The following PKNOX1 variants were observed in gnomAD, a reference collection of about 807,000 sequenced individuals.
The protein encoded by PKNOX1 is homeobox protein PKNOX1.
PKNOX1 carries 15 observed loss-of-function variants against 51.9 expected under a neutral mutation model. The ratio of observed to expected loss-of-function variants is 0.29; its 90% CI spans 0.19 to 0.45. The LOEUF (loss-of-function observed/expected upper bound fraction) is 0.45, where lower values mean the gene tolerates loss of function less well. Ranked by LOEUF, PKNOX1 falls within the 20% of genes least tolerant of loss-of-function variation. The pLI is 1.00. For synonymous variants in PKNOX1, 219 were observed against 211.1 expected (o/e 1.04, Z -0.32); for missense variants, 462 against 547.5 (o/e 0.84, Z 1.56).
intron 3 of PKNOX1, among the ~76,000 whole-genome samples, chr21:43,009,432 C>T (rs1405290879): frequency 1.3e-5 from 2 of 149,822 alleles, no homozygotes; most frequent in Admixed American, 6.6e-5. Context: ...GCAACAAGAG[C>T]GAAACTCCAT....
intron 1 of PKNOX1, among the ~76,000 whole-genome samples, chr21:42,987,404 A>AAAAAATATATATATATATATATAT: frequency 7.2e-5 from 3 of 41,402 alleles, no homozygotes; most frequent in Non-Finnish European, 9.6e-5. Context: ...AAAAAAAAAA[A>AAAAAATATATATATATATATATAT]ATATATATAT....
At chr21:42,987,577 A>T (rs1040244452) in intron 1 of PKNOX1, among the ~76,000 whole-genome samples, 1 of 146,898 alleles carries the variant, frequency 6.8e-6, no homozygotes, top group South Asian at 2.2e-4. Flanking sequence ...GATCCCACTG[A>T]CCTTTTTTTT....
chr21:43,014,712 A>T (rs1180938565), intron 5 of PKNOX1, among the ~76,000 whole-genome samples: 1 of 152,174 alleles, frequency 6.6e-6, no homozygotes, highest in South Asian at 2.1e-4. Flanking sequence ...TGGCCTCAAA[A>T]GTTTTATAGT....
intron 8 of PKNOX1, among the ~76,000 whole-genome samples, chr21:43,024,200 C>G (rs1201967784): frequency 6.6e-6 from 1 of 152,180 alleles, no homozygotes; most frequent in Non-Finnish European, 1.5e-5. Flanking sequence ...CAGCTTATCC[C>G]AGTGTCAGTT....
chr21:43,018,976 T>C (rs1979633474), intron 7 of PKNOX1, among the ~76,000 whole-genome samples: 1 of 151,520 alleles, frequency 6.6e-6, no homozygotes, highest in Non-Finnish European at 1.5e-5. Flanking sequence ...TCCCAGCTAC[T>C]CGGGAGGCTG....
At position 43,013,257 on chromosome 21, in the gene PKNOX1, C is replaced by T; in HGVS notation, c.522+19C>T. Reference sequence around the variant, plus strand: ...GTCCCAGGTACTTACATTTGGGGGTCTCGCTTTCCCTCTCTGCCACTGTGA... The same window carrying T: ...GTCCCAGGTACTTACATTTGGGGGTTTCGCTTTCCCTCTCTGCCACTGTGA... On this transcript the variant is annotated intron_variant, in intron 5 of 10. Transcript: ENST00000291547. 1 of 1,537,578 alleles carries T rather than the reference C, an allele frequency of 6.5e-7. No homozygotes were observed.
In PKNOX1 at chr21:43,021,375, G is replaced by A. The variant is rs376883451; in HGVS notation, c.793G>A (p.Val265Ile). The change falls in exon 8 of 11, where the codon GTC (valine) becomes ATC (isoleucine). Residue 265 changes from valine to isoleucine, a missense_variant. By Grantham distance (29) the Val-to-Ile change is conservative. This residue lies in a region of PKNOX1 where 75 missense variants were observed against 129.8 expected (regional missense o/e 0.58). Transcript: ENST00000291547. The surrounding 1 kb of genome is among the most constrained non-coding windows in gnomAD (Gnocchi z 4.6). ...DDGSSKNKRGVLPKHATNVMR... is the reference protein window; with the variant it reads ...DDGSSKNKRGILPKHATNVMR... ...TGGTTCATCTAAGAACAAGAGGGGC[G>A]TCCTGCCAAAGCATGCCACGAACGT... The A allele has an allele frequency of 8.7e-6, 14 of 1,613,344 alleles. No individual in the cohort carries two copies. Among genetic ancestry groups the A allele is most frequent in the East Asian group, 2.2e-5 (1 of 44,874 alleles).
intron 2 of PKNOX1, among the ~76,000 whole-genome samples, chr21:43,006,251 G>A (rs1978982721): frequency 6.6e-6 from 1 of 152,104 alleles, no homozygotes; most frequent in Non-Finnish European, 1.5e-5. Flanking sequence ...AGCCTCCTGA[G>A]TACCTGGGAT....
At chr21:42,983,760 A>AT (rs1456592337) in intron 1 of PKNOX1, among the ~76,000 whole-genome samples, 2 of 151,996 alleles carry the variant, frequency 1.3e-5, no homozygotes, top group African/African-American at 4.8e-5. Context: ...AATTTAATTT[A>AT]TTTTTTATTT....
intron 9 of PKNOX1, among the ~76,000 whole-genome samples, chr21:43,025,763 T>C (rs1490782061): frequency 6.6e-6 from 1 of 152,248 alleles, no homozygotes; most frequent in South Asian, 2.1e-4. Flanking sequence ...CTTCCAGTTG[T>C]AAACATTATT....
At chr21:42,980,635 G>T (rs1273484876) in intron 1 of PKNOX1, among the ~76,000 whole-genome samples, 1 of 152,178 alleles carries the variant, frequency 6.6e-6, no homozygotes, top group African/African-American at 2.4e-5. Context: ...AGATGAAGAA[G>T]AGAACAAATT....
chr21:43,017,950 C>T, intron 6 of PKNOX1, 183 bp from the exon 7 acceptor site: 1 of 544,116 alleles, frequency 1.8e-6, no homozygotes, highest in Non-Finnish European at 3.2e-6. Flanking sequence ...TGCCTCACAT[C>T]TGTAATTCCA....
chr21:42,975,816 A>T (rs1317213178), intron 1 of PKNOX1, among the ~76,000 whole-genome samples: 1 of 152,246 alleles, frequency 6.6e-6, no homozygotes, highest in African/African-American at 2.4e-5. Flanking sequence ...AAAACAGTAG[A>T]TGATTTTTCC....
chr21:42,999,670 G>A (rs562951052), intron 1 of PKNOX1, among the ~76,000 whole-genome samples: 3 of 152,050 alleles, frequency 2.0e-5, no homozygotes, highest in Admixed American at 1.3e-4. Flanking sequence ...TAGTAGAGAC[G>A]GGGTTTCTCC....
At chr21:42,974,842 G>A (rs2058983625) in intron 1 of PKNOX1, among the ~76,000 whole-genome samples, 178 bp downstream of exon 1, 1 of 148,520 alleles carries the variant, frequency 6.7e-6, no homozygotes, top group Non-Finnish European at 1.5e-5. Context: ...GGGGCGGGGA[G>A]GGGGCGCGGG....
chr21:43,007,674 G>T (rs1198975435), intron 3 of PKNOX1, 56 bp downstream of exon 3: 1 of 1,603,720 alleles, frequency 6.2e-7, no homozygotes, highest in African/African-American at 1.3e-5. Context: ...GTGTCCACAA[G>T]TTTGTTAAAA....
At chr21:42,996,471 C>T (rs1265246154) in intron 1 of PKNOX1, among the ~76,000 whole-genome samples, 1 of 152,170 alleles carries the variant, frequency 6.6e-6, no homozygotes, top group Non-Finnish European at 1.5e-5. Context: ...TTGGCGCCAG[C>T]TTTCCAGATG....
intron 1 of PKNOX1, among the ~76,000 whole-genome samples, chr21:42,977,662 C>G (rs145077761): frequency 2.3e-4 from 35 of 150,748 alleles, no homozygotes; most frequent in African/African-American, 7.8e-4. Flanking sequence ...ATTCTCCTGC[C>G]TCAGCCTCCG....
rs1346807247 is a variant in PKNOX1, at chr21:43,031,681, A to C, written c.*1580A>C. 2.6e-5 allele frequency: 4 copies of C among 154,842 alleles called. No individual in the cohort carries two copies. The highest frequency in any genetic ancestry group is 4.3e-5 in the Non-Finnish European group (3 of 69,620). 9.6% of individuals were successfully genotyped at this position (154,842 alleles called of 1,614,324 possible). A position where few individuals can be genotyped will look rare whatever the true frequency, so the allele number is the denominator to read the frequency against. On this transcript the variant is annotated 3_prime_UTR_variant, in exon 11 of 11. Transcript: ENST00000291547. Reference sequence around the variant, plus strand: ...TCTTCAGTTCTTGAGAGTCAACAGTAATGATTGGTTGTAAGCCAAGGGACA... The same window carrying C: ...TCTTCAGTTCTTGAGAGTCAACAGTCATGATTGGTTGTAAGCCAAGGGACA...
Sources: allele counts gnomAD v4.1 joint callset (sites outside exome capture counted in the v4.1 genomes callset), GRCh38; gene constraint gnomAD v4.1.1; regional missense constraint gnomAD v4.1.1; non-coding constraint Gnocchi (gnomAD v3.1); transcripts MANE v1.5; gene names NCBI Gene and HGNC (gene_info 2026-07-23, HGNC 2026-07-21).